STK3: variants seen among roughly 807,000 people sequenced by gnomAD.
STK3 encodes the protein serine/threonine kinase 3.
Under a neutral mutation model 58.0 loss-of-function variants are expected in STK3, and 41 were observed. The ratio of observed to expected loss-of-function variants is 0.71; its 90% CI spans 0.55 to 0.92. The LOEUF (loss-of-function observed/expected upper bound fraction) is 0.92. STK3 is among the 40% of genes least tolerant of loss of function. STK3 has a pLI of 0.00. For synonymous variants in STK3, 170 were observed against 191.0 expected, an observed-to-expected ratio of 0.89 and a Z score of 0.91; for missense variants, 479 against 602.7, an observed-to-expected ratio of 0.79 and a Z score of 2.15.
chr8:98,840,350 TAA>T (rs775446064), intron 3 of STK3, among the ~76,000 whole-genome samples: 168 of 100,808 alleles, frequency 1.7e-3, no homozygotes, highest in African/African-American at 5.2e-3. Context: ...AGACTCTGGT[TAA>T]AAAAAAAAAA....
At chr8:98,868,456 C>A (rs548439424) in intron 3 of STK3, among the ~76,000 whole-genome samples, 2 of 152,326 alleles carry the variant, frequency 1.3e-5, no homozygotes, top group African/African-American at 4.8e-5. Context: ...TATCCCCCAG[C>A]CCCGCTGGAG....
chr8:98,536,661 C>T (rs1423381136), intron 9 of STK3, among the ~76,000 whole-genome samples: 1 of 152,176 alleles, frequency 6.6e-6, no homozygotes, highest in Non-Finnish European at 1.5e-5. Flanking sequence ...ACATCATGAA[C>T]TCACTCTGCC....
intron 10 of STK3, among the ~76,000 whole-genome samples, chr8:98,460,081 C>T (rs1320747604): frequency 6.6e-6 from 1 of 152,216 alleles, no homozygotes; most frequent in Non-Finnish European, 1.5e-5. Context: ...GGAAAAGCTG[C>T]AGACACTCAA....
intron 2 of STK3, among the ~76,000 whole-genome samples, chr8:98,377,051 C>A (rs1817683055): frequency 6.6e-6 from 1 of 152,178 alleles, no homozygotes; most frequent in Non-Finnish European, 1.5e-5. Flanking sequence ...CAGGGCCTTG[C>A]ATTACCTGGA....
chr8:98,823,066 C>T (rs1400193832), intron 1 of STK3, among the ~76,000 whole-genome samples: 1 of 152,074 alleles, frequency 6.6e-6, no homozygotes, highest in Non-Finnish European at 1.5e-5. Context: ...TGCTGCAATT[C>T]AAAAGTGAGG....
chr8:98,442,787 G>T (rs1028435813), intron 1 of STK3, among the ~76,000 whole-genome samples: 1 of 152,158 alleles, frequency 6.6e-6, no homozygotes, highest in African/African-American at 2.4e-5. Flanking sequence ...CATTTACTGT[G>T]CTGCTTGCAA....
chr8:98,737,782 A>G (rs1828736771), intron 4 of STK3, among the ~76,000 whole-genome samples: 1 of 152,092 alleles, frequency 6.6e-6, no homozygotes, highest in Non-Finnish European at 1.5e-5. Context: ...ATCTCAGCTC[A>G]TTGCAACCTC....
At chr8:98,766,434 A>T (rs2131439884) in intron 3 of STK3, among the ~76,000 whole-genome samples, 1 of 152,284 alleles carries the variant, frequency 6.6e-6, no homozygotes, top group Admixed American at 6.5e-5. Context: ...ACTCATTCTC[A>T]TCCATAAATT....
intron 6 of STK3, among the ~76,000 whole-genome samples, chr8:98,705,620 C>CT (rs1453471806): frequency 6.6e-6 from 1 of 152,048 alleles, no homozygotes; most frequent in Non-Finnish European, 1.5e-5. Flanking sequence ...TATCTATTTA[C>CT]TTCACATTCC....
At chr8:98,792,260 C>G (rs1051728207) in intron 1 of STK3, among the ~76,000 whole-genome samples, 3 of 152,168 alleles carry the variant, frequency 2.0e-5, no homozygotes, top group African/African-American at 7.2e-5. Context: ...AAATGCGATT[C>G]CACCTTACTT....
At chr8:98,681,667 G>T (rs1823654499) in intron 6 of STK3, among the ~76,000 whole-genome samples, 1 of 151,958 alleles carries the variant, frequency 6.6e-6, no homozygotes, top group African/African-American at 2.4e-5. Context: ...ATGAAATTCA[G>T]CAGCTAAAAA....
intron 6 of STK3, among the ~76,000 whole-genome samples, chr8:98,621,508 C>T (rs1818316331): frequency 6.6e-6 from 1 of 152,016 alleles, no homozygotes; most frequent in Admixed American, 6.6e-5. Flanking sequence ...AGTCTTTTAC[C>T]ATTAATTATG....
chr8:98,710,426 T>A (rs1587378598), intron 4 of STK3, among the ~76,000 whole-genome samples: 1 of 152,178 alleles, frequency 6.6e-6, no homozygotes, highest in Non-Finnish European at 1.5e-5. Flanking sequence ...ACCTGGAAAA[T>A]CAGGTCACTC....
intron 6 of STK3, among the ~76,000 whole-genome samples, chr8:98,607,406 A>G (rs1197597485): frequency 6.6e-6 from 1 of 152,256 alleles, no homozygotes; most frequent in Non-Finnish European, 1.5e-5. Context: ...CCTAGCACCA[A>G]TGAAGACAGT....
At chr8:98,829,137 C>T (rs1395326136), upstream of STK3, among the ~76,000 whole-genome samples, 1 of 152,148 alleles carries the variant, frequency 6.6e-6, no homozygotes, top group South Asian at 2.1e-4. Context: ...CTATTGGATG[C>T]CCTGGTTCCC....
At chr8:98,832,828 A>C (rs185102877) in intron 3 of STK3, among the ~76,000 whole-genome samples, 117 of 152,290 alleles carry the variant, frequency 7.7e-4, no homozygotes, top group Admixed American at 1.8e-3. Flanking sequence ...ATGGCCACCA[A>C]TGTTCCAGGC....
chr8:98,607,018 G>A (rs1161355569), intron 6 of STK3, among the ~76,000 whole-genome samples: 3 of 152,092 alleles, frequency 2.0e-5, no homozygotes, highest in African/African-American at 7.2e-5. Context: ...GAACTTGTGG[G>A]GTCTGAGCTA....
intron 1 of STK3, among the ~76,000 whole-genome samples, chr8:98,941,454 G>C (rs997236279): frequency 6.6e-6 from 1 of 152,256 alleles, no homozygotes; most frequent in Admixed American, 6.5e-5. Context: ...GGAAGGCTGA[G>C]GAGAAGGGAG....
At chr8:98,429,623 T>G (rs1818300916) in intron 3 of STK3, 1 of 537,432 alleles carries the variant, frequency 1.9e-6, no homozygotes, top group Admixed American at 3.4e-5. Context: ...CACCTTTCCA[T>G]GAAATGACAC....
Sources: allele counts gnomAD v4.1 joint callset (sites outside exome capture counted in the v4.1 genomes callset), GRCh38; gene constraint gnomAD v4.1.1; transcripts MANE v1.5; gene names NCBI Gene and HGNC (gene_info 2026-07-23, HGNC 2026-07-21).